PLCB1: variants seen among roughly 807,000 people sequenced by gnomAD.
PLCB1 encodes 1-phosphatidylinositol 4,5-bisphosphate phosphodiesterase beta-1.
PLCB1 carries 46 observed loss-of-function variants against 161.8 expected under a neutral mutation model. The ratio of observed to expected loss-of-function variants is 0.28; its 90% CI spans 0.22 to 0.36. PLCB1 has a LOEUF of 0.36. Ranked by LOEUF, PLCB1 falls within the 10% of genes least tolerant of loss-of-function variation. The pLI is 1.00. For synonymous variants in PLCB1, 517 were observed against 503.7 expected, an observed-to-expected ratio of 1.03 and a Z score of -0.35; for missense variants, 1,016 against 1,472.5, an observed-to-expected ratio of 0.69 and a Z score of 5.07.
chr20:8,620,747 C>CAAAAAAAAAAAAAAAAAAAAAAAAAA (rs779029928), intron 3 of PLCB1, among the ~76,000 whole-genome samples: 1 of 75,248 alleles, frequency 1.3e-5, no homozygotes, highest in African/African-American at 5.4e-5. Flanking sequence ...CTGCCCCCAC[C>CAAAAAAAAAAAAAAAAAAAAAAAAAA]AAAAAAAAAA....
At chr20:8,164,122 T>C (rs146437124) in intron 2 of PLCB1, among the ~76,000 whole-genome samples, 3 of 152,348 alleles carry the variant, frequency 2.0e-5, no homozygotes, top group African/African-American at 7.2e-5. Context: ...TAAAAGGCTA[T>C]TATTCCAAAG....
chr20:8,214,445 C>A (rs1979008753), intron 2 of PLCB1, among the ~76,000 whole-genome samples: 1 of 152,094 alleles, frequency 6.6e-6, no homozygotes. Flanking sequence ...TCCCCCTTTG[C>A]CTTCTGCCAT....
Position 8,855,242 on chromosome 20 carries a change from T to C in PLCB1, c.3424-26380T>C, listed in dbSNP as rs181715426. 1.9e-3 allele frequency among the ~76,000 whole-genome samples: 294 copies of C among 152,222 alleles called. 1 individual carries two copies. Among genetic ancestry groups the C allele is most frequent in the Non-Finnish European group, 2.6e-3 (179 of 68,016 alleles). The stretch of plus-strand genomic sequence containing the variant: ...CCCCCCCACTCACTCCCACCAATTC[T>C]AGGGAGTTATCTCACAAGATAAAAG... On this transcript the variant is annotated intron_variant, in intron 31 of 31. Coordinates refer to ENST00000338037, the MANE Select transcript of PLCB1 (RefSeq NM_015192.4).
intron 2 of PLCB1, among the ~76,000 whole-genome samples, chr20:8,252,702 C>T (rs1445810918): frequency 6.6e-6 from 1 of 150,492 alleles, no homozygotes; most frequent in East Asian, 2.0e-4. Flanking sequence ...CATCCACTGT[C>T]CCTTACTCAC....
chr20:8,788,676 G>A lies in PLCB1; in HGVS notation c.3232G>A (p.Glu1078Lys). 3 of 1,611,986 alleles carry A rather than the reference G, an allele frequency of 1.9e-6. No individual in the cohort carries two copies. Among genetic ancestry groups the A allele is most frequent in the Non-Finnish European group, 2.5e-6 (3 of 1,179,040 alleles). The change falls in exon 29 of 32, where the codon GAG (glutamate) becomes AAG (lysine). Residue 1078 changes from glutamate (E) to lysine (K), a missense_variant. Physicochemically the swap from Glu to Lys is moderately conservative, Grantham distance 56 (BLOSUM62 1). Around this residue, in one of 10 missense-constraint regions of PLCB1, gnomAD observed 398 missense variants for 445.4 expected, o/e 0.89. Coordinates refer to ENST00000338037, the MANE Select transcript of PLCB1 (RefSeq NM_015192.4). ...LKKKMDKKRQ[E>K]KITEAKSKDK... ...GAAGAAAATGGATAAAAAGAGGCAG[G>A]AGAAGATAACAGAAGCTAAATCCAA...
At chr20:8,651,273 A>C in intron 7 of PLCB1, 1 of 578,012 alleles carries the variant, frequency 1.7e-6, no homozygotes, top group Admixed American at 2.9e-5. Context: ...TTGAATTATA[A>C]AAGTATTGAG....
intron 14 of PLCB1, among the ~76,000 whole-genome samples, chr20:8,719,639 G>A (rs1455653231): frequency 6.6e-6 from 1 of 152,058 alleles, no homozygotes; most frequent in Non-Finnish European, 1.5e-5. Flanking sequence ...CAGGATAATG[G>A]GTTCCCTTGG....
intron 31 of PLCB1, among the ~76,000 whole-genome samples, chr20:8,845,156 T>G (rs566815112): frequency 6.6e-6 from 1 of 152,170 alleles, no homozygotes; most frequent in African/African-American, 2.4e-5. Flanking sequence ...CTAGATTATG[T>G]TTTTCTTCCC....
chr20:8,351,636 C>A (rs556282878), intron 2 of PLCB1, among the ~76,000 whole-genome samples: 5 of 151,724 alleles, frequency 3.3e-5, no homozygotes, highest in African/African-American at 9.7e-5. Flanking sequence ...CCTTAAAACC[C>A]GACAAGAAGA....
chr20:8,704,151 C>T (rs980974153), intron 11 of PLCB1, among the ~76,000 whole-genome samples: 2 of 152,054 alleles, frequency 1.3e-5, no homozygotes, highest in African/African-American at 2.4e-5. Flanking sequence ...GTCAGAAGTT[C>T]GAAACCAGCC....
At chr20:8,389,766 T>A (rs1199945602) in intron 3 of PLCB1, among the ~76,000 whole-genome samples, 1 of 152,122 alleles carries the variant, frequency 6.6e-6, no homozygotes, top group Non-Finnish European at 1.5e-5. Context: ...GGTTCTAATA[T>A]AGAGATATGA....
intron 2 of PLCB1, among the ~76,000 whole-genome samples, chr20:8,177,297 T>C (rs1286501165): frequency 6.6e-6 from 1 of 152,140 alleles, no homozygotes; most frequent in Non-Finnish European, 1.5e-5. Context: ...GCACCTTCTG[T>C]GAGAAATGGG....
intron 16 of PLCB1, 27 bp from the exon 17 acceptor site, chr20:8,727,282 T>G: frequency 8.0e-7 from 1 of 1,247,660 alleles, no homozygotes; most frequent in Non-Finnish European, 1.2e-6. Flanking sequence ...ACCTTCCCCT[T>G]TTTTGTTTTG....
intron 3 of PLCB1, among the ~76,000 whole-genome samples, chr20:8,522,481 T>A (rs1042272603): frequency 7.0e-6 from 1 of 142,570 alleles, no homozygotes. Flanking sequence ...AAGCCTAGTC[T>A]TCTTCCAGCA....
At chr20:8,565,703 G>A (rs1568510651) in intron 3 of PLCB1, among the ~76,000 whole-genome samples, 1 of 152,040 alleles carries the variant, frequency 6.6e-6, no homozygotes, top group Non-Finnish European at 1.5e-5. Flanking sequence ...GACTAATGTG[G>A]TGTAAGTAAA....
At chr20:8,623,906 A>C (rs1988256216) in intron 3 of PLCB1, 1 of 152,068 alleles carries the variant, frequency 6.6e-6, no homozygotes, top group Admixed American at 6.6e-5. Context: ...AAAGAAAGAA[A>C]CCTTGAAAAT....
chr20:8,181,373 A>G (rs1314977912), intron 2 of PLCB1, among the ~76,000 whole-genome samples: 1 of 152,012 alleles, frequency 6.6e-6, no homozygotes, highest in Admixed American at 6.6e-5. Flanking sequence ...TTCCAATGCC[A>G]TTGTGCATCT....
intron 2 of PLCB1, among the ~76,000 whole-genome samples, chr20:8,277,020 G>A (rs901789148): frequency 6.7e-5 from 7 of 104,016 alleles, no homozygotes; most frequent in African/African-American, 2.9e-4. Flanking sequence ...ATTATTGTTA[G>A]AGATGGAGTC....
intron 3 of PLCB1, among the ~76,000 whole-genome samples, chr20:8,590,413 T>C (rs961315525): frequency 4.6e-5 from 7 of 152,234 alleles, no homozygotes; most frequent in Non-Finnish European, 1.0e-4. Flanking sequence ...TTCCTTAAAA[T>C]ATAAAATCGA....
Sources: gnomAD v4.1 joint callset for allele counts (sites outside exome capture counted in the v4.1 genomes callset) on GRCh38, gnomAD v4.1.1 for gene constraint, gnomAD v4.1.1 regional missense constraint, MANE v1.5 for transcripts, NCBI Gene and HGNC (gene_info 2026-07-23, HGNC 2026-07-21) for gene names.